MISFA: variants seen among roughly 807,000 people sequenced by gnomAD.
The protein encoded by MISFA is mitochondrial sheath formation associated, also known as mitochondrial sheath formation-associated protein.
chr11:18,605,425 C>T, the MISFA span, among the ~76,000 whole-genome samples: 1 of 151,990 alleles, frequency 6.6e-6, no homozygotes, highest in Non-Finnish European at 1.5e-5. Context: ...AGAAGTATAC[C>T]TTTTCCAGCA....
chr11:18,601,123 C>T, the MISFA span: 1 of 398,556 alleles, frequency 2.5e-6, no homozygotes, highest in Admixed American at 4.4e-5. Context: ...GAGAGGTGGC[C>T]TGTTCAGGAG....
chr11:18,601,577 T>A, the MISFA span: 2 of 398,462 alleles, frequency 5.0e-6, no homozygotes, highest in African/African-American at 2.1e-5. Flanking sequence ...CTGGCTAATT[T>A]TTTTTTTATT....
At chr11:18,605,588 C>G in the MISFA span, among the ~76,000 whole-genome samples, 1 of 152,156 alleles carries the variant, frequency 6.6e-6, no homozygotes, top group African/African-American at 2.4e-5. Context: ...TAATTTCTGA[C>G]TCTAGGATAC....
At chr11:18,609,582 T>TTAGAGTGCATAGC in the MISFA span, 1 of 373,002 alleles carries the variant, frequency 2.7e-6, no homozygotes, top group East Asian at 4.7e-5. Context: ...TGGCCCCACA[T>TTAGAGTGCATAGC]TAGAGTGCAT....
At chr11:18,605,238 T>C in the MISFA span, among the ~76,000 whole-genome samples, 1 of 127,588 alleles carries the variant, frequency 7.8e-6, no homozygotes, top group African/African-American at 2.5e-5. Context: ...AGACCTTGTC[T>C]CAAAAAGAAA....
the MISFA span, chr11:18,601,695 C>T: frequency 1.0e-5 from 4 of 395,878 alleles, no homozygotes; most frequent in African/African-American, 2.1e-5. Context: ...CAGGCATAAA[C>T]CACCGTGCCT....
At chr11:18,602,173 G>C in the MISFA span, 3 of 152,000 alleles carry the variant, frequency 2.0e-5, no homozygotes, top group South Asian at 4.1e-4. Context: ...TAGCAGACCA[G>C]CTCCTGGGTT....
chr11:18,604,519 G>A, the MISFA span, among the ~76,000 whole-genome samples: 1 of 151,750 alleles, frequency 6.6e-6, no homozygotes, highest in African/African-American at 2.4e-5. Flanking sequence ...TAGCTAGGGC[G>A]TGGTGTGGTG....
the MISFA span, among the ~76,000 whole-genome samples, chr11:18,604,351 A>T: frequency 6.6e-6 from 1 of 151,982 alleles, no homozygotes; most frequent in African/African-American, 2.4e-5. Flanking sequence ...GGTCTCTAAG[A>T]CTGGCATTAA....
the MISFA span, among the ~76,000 whole-genome samples, chr11:18,604,619 C>G: frequency 6.6e-6 from 1 of 150,716 alleles, no homozygotes; most frequent in Non-Finnish European, 1.5e-5. Flanking sequence ...CAGAGTGAGA[C>G]TCAGTCTCAA....
At chr11:18,600,564 A>G in the MISFA span, among the ~76,000 whole-genome samples, 1 of 115,656 alleles carries the variant, frequency 8.6e-6, no homozygotes, top group Non-Finnish European at 1.6e-5. Flanking sequence ...TCTGTCGCCC[A>G]GGCTGGAATG....
the MISFA span, chr11:18,603,066 C>A: frequency 4.0e-5 from 16 of 398,900 alleles, no homozygotes; most frequent in African/African-American, 3.3e-4. Flanking sequence ...AACACTGCAC[C>A]TTCCAGAAGC....
the MISFA span, chr11:18,607,582 T>G: frequency 6.6e-6 from 1 of 152,634 alleles, no homozygotes; most frequent in Non-Finnish European, 1.5e-5. Flanking sequence ...TAAACCTTAA[T>G]GAAATAACAG....
chr11:18,607,478 ACATTACC>A, the MISFA span: 1 of 152,666 alleles, frequency 6.6e-6, no homozygotes, highest in African/African-American at 2.4e-5. Flanking sequence ...TTCGTGATTA[ACATTACC>A]CAAAAGGCAC....
chr11:18,605,494 T>C, the MISFA span, among the ~76,000 whole-genome samples: 1 of 152,206 alleles, frequency 6.6e-6, no homozygotes, highest in Non-Finnish European at 1.5e-5. Flanking sequence ...TGCTTAACTA[T>C]TTGTAAGTGG....
the MISFA span, among the ~76,000 whole-genome samples, chr11:18,600,712 G>A: frequency 2.0e-5 from 3 of 151,526 alleles, no homozygotes; most frequent in South Asian, 6.3e-4. Context: ...AGTAGAGACG[G>A]GGTTTCACTG....
the MISFA span, among the ~76,000 whole-genome samples, chr11:18,600,311 C>T: frequency 6.6e-6 from 1 of 151,796 alleles, no homozygotes; most frequent in Middle Eastern, 3.4e-3. Context: ...TCAAGCGATT[C>T]TCCTGCCTCA....
At chr11:18,607,450 T>C in the MISFA span, 4 of 152,634 alleles carry the variant, frequency 2.6e-5, no homozygotes, top group Non-Finnish European at 5.9e-5. Context: ...ATTATTACAA[T>C]CATGAAATAT....
At chr11:18,606,720 T>C in the MISFA span, 2 of 405,318 alleles carry the variant, frequency 4.9e-6, no homozygotes, top group South Asian at 1.8e-5. Flanking sequence ...CATATATTTA[T>C]TCTCTTTCCA....
Sources: allele counts gnomAD v4.1 joint callset (sites outside exome capture counted in the v4.1 genomes callset), GRCh38; gene constraint gnomAD v4.1.1; transcripts MANE v1.5; gene names NCBI Gene and HGNC (gene_info 2026-07-23, HGNC 2026-07-21).